ITGA9: variants seen among roughly 807,000 people sequenced by gnomAD.
ITGA9 encodes the protein integrin subunit alpha 9, also known as integrin alpha-9.
Under a neutral mutation model 127.8 loss-of-function variants are expected in ITGA9, and 56 were observed. The observed-to-expected ratio is 0.44, with a 90% CI of 0.35 to 0.55. ITGA9 has a LOEUF of 0.55. Among genes scored for constraint, ITGA9 ranks in the 20% least tolerant of loss-of-function variants. The probability of loss-of-function intolerance (pLI) is 0.00; values close to 1 mark genes in which losing one functional copy is unlikely to be tolerated. For synonymous variants in ITGA9, 508 were observed against 514.5 expected (o/e 0.99, Z 0.17); for missense variants, 1,196 against 1,347.1 (o/e 0.89, Z 1.76).
At chr3:37,793,750 A>T (rs1441493342) in intron 26 of ITGA9, among the ~76,000 whole-genome samples, 1 of 152,180 alleles carries the variant, frequency 6.6e-6, no homozygotes, top group African/African-American at 2.4e-5. Context: ...GATTTCAGGG[A>T]CCATCTTAGC....
chr3:37,779,666 T>TA (rs1480063647), intron 24 of ITGA9, among the ~76,000 whole-genome samples: 5 of 152,208 alleles, frequency 3.3e-5, no homozygotes, highest in African/African-American at 1.2e-4. Flanking sequence ...TAGGATAAAT[T>TA]AGTGAGCTGT....
intron 14 of ITGA9, 105 bp from the exon 15 acceptor site, chr3:37,542,320 A>C: frequency 8.5e-7 from 1 of 1,180,236 alleles, no homozygotes; most frequent in Non-Finnish European, 1.3e-6. Context: ...ATGGAAGGGT[A>C]GGTATCATAT....
chr3:37,783,643 T>C (rs78191855), intron 25 of ITGA9, among the ~76,000 whole-genome samples: 2,100 of 152,272 alleles, frequency 0.014, 29 homozygotes, highest in Middle Eastern at 0.054. Context: ...GGCCCAAGAT[T>C]ATTATTATTA....
rs1186161025 is a variant in ITGA9, at chr3:37,453,577, G to T, written c.185+1018G>T. On this transcript the variant is annotated intron_variant, in intron 1 of 27. Transcript: ENST00000264741. ...GCTGCGGGAAGTTCCCCCGTTCAAGGTCGTGCCTCATGGGGGCCCAGGTGA... is the reference window on the plus strand; with the variant it reads ...GCTGCGGGAAGTTCCCCCGTTCAAGTTCGTGCCTCATGGGGGCCCAGGTGA... Among the ~76,000 whole-genome samples, 7 of 152,174 alleles carry T rather than the reference G, an allele frequency of 4.6e-5. No homozygotes were observed. The East Asian group carries it at 1.2e-3, about 25-fold the overall frequency.
chr3:37,708,041 T>G (rs1701026929), intron 18 of ITGA9, among the ~76,000 whole-genome samples: 1 of 152,172 alleles, frequency 6.6e-6, no homozygotes, highest in Non-Finnish European at 1.5e-5. Flanking sequence ...CCCCCAAATC[T>G]AGTGGGCTTA....
intron 15 of ITGA9, chr3:37,585,540 G>T: frequency 4.1e-6 from 2 of 492,556 alleles, no homozygotes; most frequent in South Asian, 2.9e-5. Context: ...GGACAATTAG[G>T]GAGGGATTCT....
At chr3:37,693,736 C>T (rs183782149) in intron 18 of ITGA9, among the ~76,000 whole-genome samples, 6 of 152,262 alleles carry the variant, frequency 3.9e-5, no homozygotes, top group East Asian at 1.9e-4. Context: ...GTGTTACAGC[C>T]GGGAAACCAA....
At chr3:37,533,549 C>G in intron 14 of ITGA9, 81 bp downstream of exon 14, 1 of 1,414,898 alleles carries the variant, frequency 7.1e-7, no homozygotes, top group Non-Finnish European at 9.8e-7. Context: ...TTCCCTGTCG[C>G]TGTTCCTCCC....
chr3:37,638,243 A>G (rs1485253367), intron 16 of ITGA9, among the ~76,000 whole-genome samples: 1 of 152,190 alleles, frequency 6.6e-6, no homozygotes, highest in Non-Finnish European at 1.5e-5. Context: ...GACGTGGGTA[A>G]TAATGAGTAA....
chr3:37,726,808 C>T (rs567073433), intron 18 of ITGA9, among the ~76,000 whole-genome samples: 2 of 152,160 alleles, frequency 1.3e-5, no homozygotes, highest in Non-Finnish European at 2.9e-5. Flanking sequence ...ACTGAGAATA[C>T]GGAAATGAGT....
intron 17 of ITGA9, among the ~76,000 whole-genome samples, chr3:37,658,170 T>C (rs1444420401): frequency 1.3e-5 from 2 of 152,174 alleles, no homozygotes; most frequent in Non-Finnish European, 2.9e-5. Context: ...ATTCTGCTGA[T>C]TTGGGGTGGA....
intron 17 of ITGA9, among the ~76,000 whole-genome samples, chr3:37,667,305 T>C (rs1700595638): frequency 6.6e-6 from 1 of 152,200 alleles, no homozygotes; most frequent in African/African-American, 2.4e-5. Context: ...ATTGCATTCG[T>C]CTGGACCCTT....
At chr3:37,692,214 C>T (rs535488673) in intron 18 of ITGA9, among the ~76,000 whole-genome samples, 14 of 152,312 alleles carry the variant, frequency 9.2e-5, no homozygotes, top group South Asian at 2.1e-4. Flanking sequence ...CACACATGAG[C>T]TTATACTTTA....
chr3:37,662,723 G>A (rs879522953), intron 17 of ITGA9, among the ~76,000 whole-genome samples: 4 of 152,154 alleles, frequency 2.6e-5, no homozygotes, highest in Non-Finnish European at 4.4e-5. Flanking sequence ...TTTGCTTTCC[G>A]TGATGTCTTT....
chr3:37,454,790 T>C (rs1304761701), intron 1 of ITGA9, among the ~76,000 whole-genome samples: 1 of 152,146 alleles, frequency 6.6e-6, no homozygotes, highest in Non-Finnish European at 1.5e-5. Flanking sequence ...CTCCCCATCC[T>C]TTTTTCTCTT....
chr3:37,752,119 C>T (rs536838531), intron 23 of ITGA9, among the ~76,000 whole-genome samples: 1 of 152,356 alleles, frequency 6.6e-6, no homozygotes, highest in South Asian at 2.1e-4. Flanking sequence ...AGCTGGCACA[C>T]CCTCTGCCTT....
chr3:37,671,739 A>G (rs1055559734), intron 17 of ITGA9, among the ~76,000 whole-genome samples: 2 of 152,134 alleles, frequency 1.3e-5, no homozygotes, highest in African/African-American at 4.8e-5. Context: ...GGGGTGCACT[A>G]TGATCTCTCT....
At chr3:37,791,225 C>T (rs565973150) in intron 26 of ITGA9, among the ~76,000 whole-genome samples, 6 of 152,274 alleles carry the variant, frequency 3.9e-5, no homozygotes, top group South Asian at 4.1e-4. Flanking sequence ...CTCAAACTCC[C>T]GTCTCAGTCT....
intron 15 of ITGA9, among the ~76,000 whole-genome samples, chr3:37,547,329 T>C (rs1047279633): frequency 1.3e-5 from 2 of 152,200 alleles, no homozygotes; most frequent in Non-Finnish European, 2.9e-5. Context: ...TGCAGCTCCT[T>C]CCTTGCTTTT....
Sources: allele counts gnomAD v4.1 joint callset (sites outside exome capture counted in the v4.1 genomes callset), GRCh38; gene constraint gnomAD v4.1.1; transcripts MANE v1.5; gene names NCBI Gene and HGNC (gene_info 2026-07-23, HGNC 2026-07-21).